The following WDPCP variants were observed in gnomAD, a reference collection of about 807,000 sequenced individuals.
WDPCP encodes WD repeat-containing and planar cell polarity effector protein fritz homolog.
Under a neutral mutation model 93.1 loss-of-function variants are expected in WDPCP, and 71 were observed. The ratio of observed to expected loss-of-function variants is 0.76; its 90% CI spans 0.63 to 0.93. The LOEUF is 0.93. WDPCP is among the 40% of genes least tolerant of loss of function. The pLI is 0.00. For missense variants in WDPCP, 844 were observed against 887.4 expected, an observed-to-expected ratio of 0.95 and a Z score of 0.62; for synonymous variants, 315 against 315.0, an observed-to-expected ratio of 1.00 and a Z score of 0.00.
intron 2 of WDPCP, among the ~76,000 whole-genome samples, chr2:63,773,003 T>A (rs193259434): frequency 6.6e-6 from 1 of 152,052 alleles, no homozygotes; most frequent in African/African-American, 2.4e-5. Flanking sequence ...AAAACTGTTA[T>A]TACTCACAGA....
chr2:63,670,915 A>G (rs951993873), intron 2 of WDPCP, among the ~76,000 whole-genome samples: 2 of 152,192 alleles, frequency 1.3e-5, no homozygotes, highest in African/African-American at 4.8e-5. Flanking sequence ...GGGAAAAGGG[A>G]AGGCTAAATA....
chr2:63,532,402 A>G (rs772565166), intron 1 of WDPCP, among the ~76,000 whole-genome samples: 11 of 152,210 alleles, frequency 7.2e-5, no homozygotes, highest in Admixed American at 5.9e-4. Context: ...CCCAAGACAC[A>G]TAACTGTTAG....
intron 13 of WDPCP, among the ~76,000 whole-genome samples, chr2:63,260,297 C>T (rs939187647): frequency 5.9e-5 from 9 of 151,814 alleles, no homozygotes; most frequent in Non-Finnish European, 8.8e-5. Flanking sequence ...TTTTGCTACG[C>T]GGAATGATTG....
At chr2:63,462,218 G>C (rs1699063495) in intron 6 of WDPCP, among the ~76,000 whole-genome samples, 1 of 152,182 alleles carries the variant, frequency 6.6e-6, no homozygotes, top group Non-Finnish European at 1.5e-5. Flanking sequence ...GATGAAGCTG[G>C]AAACCGTCAT....
rs137964085 is a variant in WDPCP, at chr2:63,644,864, C to A, written n.488+5795G>T. 2.2e-4 allele frequency among the ~76,000 whole-genome samples: 33 copies of A among 152,080 alleles called. 1 individual carries two copies. The highest frequency in any genetic ancestry group is 8.3e-4 in the South Asian group (4 of 4,814). On this transcript the variant is annotated intron_variant and non_coding_transcript_variant, in intron 3 of 4. Coordinates refer to the WDPCP transcript ENST00000467687. ...GTATCAGCTGTAATGTGTCCTTTTT[C>A]ATCTCTGTTTTGATTATTTGGATCT...
At chr2:63,552,428 T>A (rs185454034) in intron 1 of WDPCP, among the ~76,000 whole-genome samples, 122 of 152,270 alleles carry the variant, frequency 8.0e-4, no homozygotes, top group Non-Finnish European at 1.5e-3. Context: ...GTTTAAAAGA[T>A]ATCTGCATTT....
rs1277892197 is a variant in WDPCP, at chr2:63,439,879, C to T, written c.385-8G>A. The T allele has an allele frequency of 6.8e-6, 11 of 1,609,132 alleles. No homozygotes were observed. The highest frequency in any genetic ancestry group is 7.7e-6 in the Non-Finnish European group (9 of 1,175,882). On this transcript the variant is annotated splice_polypyrimidine_tract_variant and splice_region_variant and intron_variant, in intron 6 of 17. Transcript: ENST00000272321. ...ACCTGAACCAAAAAGGAGCTAAAAC[C>T]AGGTAAGTGGGGGAGAGAGGGAGGA...
intron 9 of WDPCP, among the ~76,000 whole-genome samples, chr2:63,406,767 T>C (rs1694622346): frequency 6.6e-6 from 1 of 152,216 alleles, no homozygotes; most frequent in Admixed American, 6.5e-5. Context: ...GATTTTTCTC[T>C]GTGTCTCTGT....
At chr2:63,599,513 T>C in intron 3 of WDPCP, 1 of 344,960 alleles carries the variant, frequency 2.9e-6, no homozygotes, top group Non-Finnish European at 5.2e-6. Flanking sequence ...CTTGATTTCG[T>C]CTTTAACTAT....
intron 14 of WDPCP, among the ~76,000 whole-genome samples, chr2:63,236,673 C>G: frequency 6.6e-6 from 1 of 152,086 alleles, no homozygotes; most frequent in East Asian, 1.9e-4. Flanking sequence ...TGAAATAAAG[C>G]TGTACGCCTA....
intron 1 of WDPCP, among the ~76,000 whole-genome samples, chr2:63,546,346 C>T (rs1236037241): frequency 6.6e-6 from 1 of 152,160 alleles, no homozygotes; most frequent in African/African-American, 2.4e-5. Flanking sequence ...GGAAAGAAGA[C>T]AGAGTCCAGG....
intron 12 of WDPCP, among the ~76,000 whole-genome samples, chr2:63,368,394 C>G (rs1039912407): frequency 6.6e-6 from 1 of 151,654 alleles, no homozygotes; most frequent in African/African-American, 2.4e-5. Context: ...GGCACAATAT[C>G]GGCTCACTGC....
At chr2:63,123,105 G>A (rs1364649123) in intron 17 of WDPCP, among the ~76,000 whole-genome samples, 1 of 150,942 alleles carries the variant, frequency 6.6e-6, no homozygotes, top group Non-Finnish European at 1.5e-5. Context: ...ATTTAATAGT[G>A]CCTGAGGCTT....
At chr2:63,575,381 ATATACAC>A (rs1558831460) in intron 1 of WDPCP, among the ~76,000 whole-genome samples, 5 of 89,474 alleles carry the variant, frequency 5.6e-5, no homozygotes, top group African/African-American at 2.0e-4. Flanking sequence ...TATATACAGT[ATATACAC>A]GGTATATACA....
intron 3 of WDPCP, chr2:63,599,108 T>G: frequency 6.5e-7 from 1 of 1,531,440 alleles, no homozygotes; most frequent in Non-Finnish European, 8.8e-7. Flanking sequence ...AGTCAAATTT[T>G]AACATAGATT....
chr2:63,514,890 A>G (rs1333133690), intron 1 of WDPCP, among the ~76,000 whole-genome samples: 5 of 152,080 alleles, frequency 3.3e-5, no homozygotes, highest in Admixed American at 2.0e-4. Flanking sequence ...TGTATTTGCA[A>G]CCTCTCTTCC....
intron 12 of WDPCP, among the ~76,000 whole-genome samples, chr2:63,324,624 TAATGA>T (rs941864282): frequency 6.6e-6 from 1 of 152,240 alleles, no homozygotes; most frequent in Non-Finnish European, 1.5e-5. Context: ...CCCTGGCCTT[TAATGA>T]AAAGAATGCA....
At chr2:63,316,152 A>G (rs1486949458) in intron 12 of WDPCP, among the ~76,000 whole-genome samples, 2 of 152,170 alleles carry the variant, frequency 1.3e-5, no homozygotes, top group East Asian at 3.8e-4. Context: ...ACACAGAGGA[A>G]AAAGAGATTA....
At chr2:63,625,529 G>A (rs1048645968) in intron 3 of WDPCP, among the ~76,000 whole-genome samples, 34 of 151,986 alleles carry the variant, frequency 2.2e-4, no homozygotes, top group African/African-American at 4.8e-5. Context: ...TCTTATACAC[G>A]GATAATAGAC....
Sources: gnomAD v4.1 joint callset for allele counts (sites outside exome capture counted in the v4.1 genomes callset) on GRCh38, gnomAD v4.1.1 for gene constraint, MANE v1.5 for transcripts, NCBI Gene and HGNC (gene_info 2026-07-23, HGNC 2026-07-21) for gene names.